The following IMMP2L variants were observed in gnomAD, a reference collection of about 807,000 sequenced individuals.
The protein encoded by IMMP2L is inner mitochondrial membrane peptidase subunit 2.
In IMMP2L, 18 loss-of-function variants were observed where a neutral mutation model predicts 19.3. The observed-to-expected ratio is 0.93, with a 90% CI of 0.64 to 1.38. IMMP2L has a LOEUF of 1.38. Among genes scored for constraint, IMMP2L ranks in the 40% most tolerant of loss-of-function variants. The probability of loss-of-function intolerance (pLI) is 0.00; values close to 1 mark genes in which losing one functional copy is unlikely to be tolerated. For synonymous variants in IMMP2L, 76 were observed against 73.0 expected (o/e 1.04, Z -0.21); for missense variants, 233 against 218.2 (o/e 1.07, Z -0.43).
In IMMP2L at chr7:111,213,900, AC is replaced by A. The variant is rs1325327491; in HGVS notation, c.240-250336del. 6.6e-6 allele frequency among the ~76,000 whole-genome samples: 1 copy of A among 152,100 alleles called. No homozygotes were observed. The highest frequency in any genetic ancestry group is 1.5e-5 in the Non-Finnish European group (1 of 68,020). ...GTTCATGTGACAGTCCTACAAATGT[AC>A]CCCCTGTATCTAAGATAAAAGGTGA... On this transcript the variant is annotated intron_variant, in intron 3 of 5. Transcript: ENST00000405709. The surrounding 1 kb of genome is among the most constrained non-coding windows in gnomAD (Gnocchi z 4.8).
intron 3 of IMMP2L, among the ~76,000 whole-genome samples, chr7:111,270,316 A>T (rs1281281428): frequency 6.6e-6 from 1 of 152,186 alleles, no homozygotes; most frequent in Non-Finnish European, 1.5e-5. Flanking sequence ...AAACTTCAGT[A>T]GTGCCTTAAA....
intron 3 of IMMP2L, among the ~76,000 whole-genome samples, chr7:111,136,307 T>G (rs544565541): frequency 3.3e-4 from 51 of 152,310 alleles, no homozygotes; most frequent in Non-Finnish European, 6.3e-4. Flanking sequence ...ATTGCAGGCG[T>G]GAGCCACTGC....
chr7:111,013,228 A>T (rs1312142050), intron 3 of IMMP2L, among the ~76,000 whole-genome samples: 1 of 152,170 alleles, frequency 6.6e-6, no homozygotes, highest in Non-Finnish European at 1.5e-5. Context: ...CAGTATTAGT[A>T]CTAAGAGCAA....
chr7:110,857,098 A>G (rs931119711), intron 5 of IMMP2L, among the ~76,000 whole-genome samples: 2 of 152,112 alleles, frequency 1.3e-5, no homozygotes, highest in Non-Finnish European at 2.9e-5. Flanking sequence ...CTTTTGGGAT[A>G]GCTATTTGTG....
intron 5 of IMMP2L, among the ~76,000 whole-genome samples, chr7:110,837,631 T>C (rs1169469631): frequency 6.6e-6 from 1 of 152,030 alleles, no homozygotes; most frequent in East Asian, 1.9e-4. Flanking sequence ...CCGCCATCAT[T>C]TAAAAAAAAT....
chr7:111,366,773 AC>A (rs1487305450), intron 3 of IMMP2L, among the ~76,000 whole-genome samples: 1 of 151,986 alleles, frequency 6.6e-6, no homozygotes, highest in Admixed American at 6.6e-5. Context: ...TTCTCTCTAT[AC>A]ATATGCATTC....
intron 3 of IMMP2L, among the ~76,000 whole-genome samples, chr7:111,312,432 C>G (rs961750121): frequency 6.6e-6 from 1 of 152,122 alleles, no homozygotes; most frequent in African/African-American, 2.4e-5. Context: ...TTCTTATTTT[C>G]AGCTGCATCA....
intron 3 of IMMP2L, among the ~76,000 whole-genome samples, chr7:111,369,966 T>G (rs1830115333): frequency 6.6e-6 from 1 of 151,980 alleles, no homozygotes; most frequent in Non-Finnish European, 1.5e-5. Context: ...TAGAAAACAA[T>G]GGTATTTAGT....
intron 3 of IMMP2L, among the ~76,000 whole-genome samples, chr7:111,476,669 T>C (rs531417840): frequency 6.6e-6 from 1 of 152,262 alleles, no homozygotes; most frequent in African/African-American, 2.4e-5. Flanking sequence ...TGTGTAGTTG[T>C]AAGACCGAGG....
rs900378884 is a variant in IMMP2L at position 110,866,376 on chromosome 7, A to G, written c.408+20217T>C. Among the ~76,000 whole-genome samples the G allele has an allele frequency of 8.6e-5, 13 of 151,964 alleles. No individual in the cohort carries two copies. In the East Asian group the frequency reaches 9.8e-4, roughly 11 times the overall value. ...AAGGCGATGGTTTGAGAACATTCAG[A>G]TAAGAGGGAAGAGGCAAGCAGAAGG... On this transcript the variant is annotated intron_variant, in intron 5 of 5. Coordinates refer to ENST00000405709, the MANE Select transcript of IMMP2L (RefSeq NM_032549.4).
intron 3 of IMMP2L, among the ~76,000 whole-genome samples, chr7:111,445,742 C>A (rs1838299553): frequency 6.6e-6 from 1 of 152,160 alleles, no homozygotes; most frequent in Admixed American, 6.5e-5. Context: ...GTCTACAGCT[C>A]CCAGCGTGAG....
At chr7:110,869,857 T>C (rs1021607887) in intron 5 of IMMP2L, among the ~76,000 whole-genome samples, 2 of 152,122 alleles carry the variant, frequency 1.3e-5, no homozygotes, top group African/African-American at 4.8e-5. Context: ...ATTTCTTTCT[T>C]CCCATGGAGA....
intron 3 of IMMP2L, among the ~76,000 whole-genome samples, chr7:111,132,994 G>A (rs1801991949): frequency 6.6e-6 from 1 of 151,998 alleles, no homozygotes. Context: ...ATATGGCCAA[G>A]CTTAGTTGTT....
At chr7:110,672,679 A>G (rs1029339957) in intron 5 of IMMP2L, among the ~76,000 whole-genome samples, 12 of 152,216 alleles carry the variant, frequency 7.9e-5, no homozygotes, top group African/African-American at 2.7e-4. Flanking sequence ...TGGACAATAC[A>G]AAGGGACTAC....
chr7:111,381,446 C>G (rs1831194965), intron 3 of IMMP2L, among the ~76,000 whole-genome samples: 1 of 151,948 alleles, frequency 6.6e-6, no homozygotes, highest in African/African-American at 2.4e-5. Flanking sequence ...ATCAAATAAA[C>G]TATATTATTA....
intron 4 of IMMP2L, among the ~76,000 whole-genome samples, chr7:110,936,638 G>C (rs1005522607): frequency 2.0e-5 from 3 of 152,170 alleles, no homozygotes; most frequent in Admixed American, 6.5e-5. Context: ...GGAAGACAGT[G>C]TGGTGATTCC....
chr7:111,448,379 A>G (rs1296702997), intron 3 of IMMP2L, among the ~76,000 whole-genome samples: 1 of 151,466 alleles, frequency 6.6e-6, no homozygotes, highest in Non-Finnish European at 1.5e-5. Flanking sequence ...CAGTGCAATC[A>G]AACTAGAACT....
intron 3 of IMMP2L, among the ~76,000 whole-genome samples, chr7:111,075,761 A>G (rs550786629): frequency 6.6e-6 from 1 of 152,172 alleles, no homozygotes. Context: ...CTAAAGATAG[A>G]CATGCTGATG....
At chr7:110,686,737 A>G (rs184032826) in intron 5 of IMMP2L, among the ~76,000 whole-genome samples, 94 of 152,092 alleles carry the variant, frequency 6.2e-4, no homozygotes, top group Non-Finnish European at 9.6e-4. Context: ...CACTGCCCTC[A>G]TCAAGGAACA....
Sources: gnomAD v4.1 joint callset for allele counts (sites outside exome capture counted in the v4.1 genomes callset) on GRCh38, gnomAD v4.1.1 for gene constraint, Gnocchi (gnomAD v3.1) non-coding constraint, MANE v1.5 for transcripts, NCBI Gene and HGNC (gene_info 2026-07-23, HGNC 2026-07-21) for gene names.